NHS: variants seen among roughly 807,000 people sequenced by gnomAD.
NHS encodes NHS actin remodeling regulator.
NHS carries 5 observed loss-of-function variants against 72.5 expected under a neutral mutation model. That is an observed-to-expected ratio of 0.07 (90% confidence interval 0.04 to 0.14). NHS has a LOEUF of 0.14. Ranked by LOEUF, NHS falls within the 10% of genes least tolerant of loss-of-function variation. The pLI is 1.00. For synonymous variants in NHS, 464 were observed against 547.7 expected (o/e 0.85, Z 2.13); for missense variants, 1,072 against 1,355.7 (o/e 0.79, Z 3.29).
At chrX:17,665,513 G>C (rs1326653027) in intron 1 of NHS, among the ~76,000 whole-genome samples, 1 of 107,797 alleles carries the variant, frequency 9.3e-6, no homozygotes, top group African/African-American at 3.4e-5. Context: ...ATTTTTAGCA[G>C]AGACGGGGTT....
intron 7 of NHS, 124 bp from the exon 8 acceptor site, chrX:17,728,525 T>TAA (rs2066466073): frequency 8.7e-6 from 9 of 1,033,995 alleles, no homozygotes; most frequent in Non-Finnish European, 1.2e-5. Context: ...CTCTCATTTT[T>TAA]AAAAAATGGC....
intron 1 of NHS, among the ~76,000 whole-genome samples, chrX:17,483,878 C>T (rs1000767935): frequency 1.8e-5 from 2 of 111,161 alleles, no homozygotes; most frequent in African/African-American, 6.5e-5. Flanking sequence ...TTCCATATTT[C>T]TCCAAAGAGA....
intron 1 of NHS, among the ~76,000 whole-genome samples, chrX:17,433,870 C>A (rs757039838): frequency 8.9e-6 from 1 of 112,067 alleles, no homozygotes; most frequent in Non-Finnish European, 1.9e-5. Context: ...ATATTATCCA[C>A]GATAAACTAA....
At chrX:17,466,832 C>T (rs1285391055) in intron 1 of NHS, among the ~76,000 whole-genome samples, 1 of 111,758 alleles carries the variant, frequency 8.9e-6, no homozygotes, top group Non-Finnish European at 1.9e-5. Flanking sequence ...TGTGTTTGAT[C>T]CCGTGATGTG....
chrX:17,533,249 G>A (rs2065207345), intron 1 of NHS, among the ~76,000 whole-genome samples: 1 of 111,888 alleles, frequency 8.9e-6, no homozygotes, highest in African/African-American at 3.3e-5. Context: ...GTCCTTTACA[G>A]ATTTTTCGGC....
At chrX:17,567,803 A>G (rs1267109293) in intron 1 of NHS, among the ~76,000 whole-genome samples, 1 of 110,254 alleles carries the variant, frequency 9.1e-6, no homozygotes, top group Admixed American at 9.6e-5. Flanking sequence ...ATATCTAGAC[A>G]GAGGGGAGGA....
At chrX:17,582,480 C>A (rs186717746) in intron 1 of NHS, among the ~76,000 whole-genome samples, 1 of 111,975 alleles carries the variant, frequency 8.9e-6, no homozygotes, top group African/African-American at 3.3e-5. Context: ...GAGGGGTTGT[C>A]CAGTTAGGAG....
chrX:17,597,376 C>T (rs1012358802), intron 1 of NHS, among the ~76,000 whole-genome samples: 1 of 108,785 alleles, frequency 9.2e-6, no homozygotes, highest in African/African-American at 3.4e-5. Context: ...CCGCCCACCT[C>T]GGCCTCCCAA....
At chrX:17,596,738 C>T (rs935299648) in intron 1 of NHS, among the ~76,000 whole-genome samples, 3 of 111,691 alleles carry the variant, frequency 2.7e-5, no homozygotes, top group Non-Finnish European at 5.6e-5. Context: ...AGGGGCTTCA[C>T]ACAAAGTTTA....
intron 1 of NHS, among the ~76,000 whole-genome samples, chrX:17,546,758 A>G (rs2065295582): frequency 8.9e-6 from 1 of 112,616 alleles, no homozygotes; most frequent in African/African-American, 3.2e-5. Context: ...GGGCTTTTTT[A>G]TTCTTGGCTG....
At chrX:17,422,488 G>A (rs776142954) in intron 1 of NHS, among the ~76,000 whole-genome samples, 36 of 111,099 alleles carry the variant, frequency 3.2e-4, no homozygotes, top group Non-Finnish European at 5.8e-4. Context: ...TTCAAATCCA[G>A]GGTTTCCCAC....
chrX:17,461,889 C>G (rs765712670), intron 1 of NHS, among the ~76,000 whole-genome samples: 1 of 111,676 alleles, frequency 9.0e-6, no homozygotes, highest in Non-Finnish European at 1.9e-5. Flanking sequence ...TGACTAGCTT[C>G]GGCTCATTCA....
chrX:17,661,599 C>A (rs2065983072), intron 1 of NHS, among the ~76,000 whole-genome samples: 2 of 111,986 alleles, frequency 1.8e-5, no homozygotes, highest in South Asian at 7.5e-4. Context: ...CAGAAACAGG[C>A]TAGTGGGTTC....
chrX:17,482,399 C>G (rs1428225131), intron 1 of NHS, among the ~76,000 whole-genome samples: 4 of 112,411 alleles, frequency 3.6e-5, no homozygotes, highest in African/African-American at 9.7e-5. Context: ...ATGCTTCAGC[C>G]TAACCAGCAA....
intron 1 of NHS, among the ~76,000 whole-genome samples, chrX:17,569,407 T>G (rs1223912858): frequency 1.9e-5 from 2 of 107,510 alleles, no homozygotes; most frequent in Admixed American, 9.7e-5. Flanking sequence ...TTTGCATTTC[T>G]CTGATGGCCA....
intron 1 of NHS, among the ~76,000 whole-genome samples, chrX:17,439,643 T>C (rs1054808549): frequency 8.9e-6 from 1 of 111,926 alleles, no homozygotes; most frequent in African/African-American, 3.3e-5. Context: ...TATATAGAGT[T>C]CATTATATGA....
intron 1 of NHS, among the ~76,000 whole-genome samples, chrX:17,424,846 G>A (rs1232980802): frequency 1.8e-5 from 2 of 111,646 alleles, no homozygotes; most frequent in Admixed American, 1.9e-4. Context: ...CCATTTTAAC[G>A]ATGCTTAGAG....
At chrX:17,656,526 T>C (rs1166854508) in intron 1 of NHS, among the ~76,000 whole-genome samples, 1 of 112,915 alleles carries the variant, frequency 8.9e-6, no homozygotes, top group East Asian at 2.8e-4. Context: ...GGTCGAGATC[T>C]GAGAGCTGGG....
intron 1 of NHS, among the ~76,000 whole-genome samples, chrX:17,636,742 G>A (rs1002084371): frequency 1.8e-5 from 2 of 112,063 alleles, no homozygotes; most frequent in African/African-American, 6.5e-5. Context: ...CCATGATGAT[G>A]GGGAAGCACT....
Sources: gnomAD v4.1 joint callset for allele counts (sites outside exome capture counted in the v4.1 genomes callset) on GRCh38, gnomAD v4.1.1 for gene constraint, MANE v1.5 for transcripts, NCBI Gene and HGNC (gene_info 2026-07-23, HGNC 2026-07-21) for gene names.